Variants in PDE11A observed in about 807,000 individuals in gnomAD.
PDE11A encodes dual 3',5'-cyclic-AMP and -GMP phosphodiesterase 11A.
Under a neutral mutation model 100.5 loss-of-function variants are expected in PDE11A, and 100 were observed. That is an observed-to-expected ratio of 1.00 (90% CI 0.85 to 1.18). PDE11A has a LOEUF of 1.18. Among genes scored for constraint, PDE11A ranks in the 50% most tolerant of loss-of-function variants. PDE11A has a pLI of 0.00. For missense variants in PDE11A, 1,141 were observed against 1,152.6 expected (o/e 0.99, Z 0.15); for synonymous variants, 381 against 420.8 (o/e 0.91, Z 1.16).
chr2:177,817,461 C>T (rs1281418381), intron 8 of PDE11A, among the ~76,000 whole-genome samples: 1 of 152,172 alleles, frequency 6.6e-6, no homozygotes, highest in Non-Finnish European at 1.5e-5. Context: ...TCAAGGCTAG[C>T]TTCTCCAGCT....
chr2:178,031,303 T>G (rs2086544487), intron 1 of PDE11A, among the ~76,000 whole-genome samples: 1 of 152,186 alleles, frequency 6.6e-6, no homozygotes, highest in Admixed American at 6.5e-5. Context: ...ATAATCAGTC[T>G]TGTTCTACAT....
chr2:177,941,108 C>A (rs1276070460), intron 2 of PDE11A, among the ~76,000 whole-genome samples: 2 of 152,212 alleles, frequency 1.3e-5, no homozygotes, highest in Non-Finnish European at 2.9e-5. Context: ...TCAATCCCTG[C>A]TGCAAGCTGA....
intron 19 of PDE11A, among the ~76,000 whole-genome samples, chr2:177,660,997 T>C (rs111252494): frequency 0.023 from 3,543 of 152,168 alleles, 63 homozygotes; most frequent in Non-Finnish European, 0.032. Context: ...GTGCCCTGGG[T>C]CAACTCCCAC....
At chr2:178,040,466 T>C (rs186446696) in intron 1 of PDE11A, among the ~76,000 whole-genome samples, 1 of 152,334 alleles carries the variant, frequency 6.6e-6, no homozygotes, top group African/African-American at 2.4e-5. Context: ...CATTTCACAA[T>C]TTTTTAAAGG....
At chr2:178,044,576 G>A (rs978645227) in intron 1 of PDE11A, among the ~76,000 whole-genome samples, 7 of 151,774 alleles carry the variant, frequency 4.6e-5, no homozygotes, top group African/African-American at 1.7e-4. Flanking sequence ...GTTCTTGGGA[G>A]GTATAACAAG....
intron 2 of PDE11A, among the ~76,000 whole-genome samples, chr2:177,928,104 CAAAAA>C (rs59085357): frequency 0.17 from 9,457 of 56,142 alleles, 180 homozygotes; most frequent in South Asian, 0.23. Context: ...AACTCCATCT[CAAAAA>C]AAAAAAAAAA....
chr2:177,727,026 A>T (rs577013640), intron 12 of PDE11A, among the ~76,000 whole-genome samples: 2 of 152,208 alleles, frequency 1.3e-5, no homozygotes, highest in South Asian at 2.1e-4. Context: ...TTGTTTCAAT[A>T]TTTGCCACAA....
chr2:177,753,261 A>G (rs1179463471), intron 10 of PDE11A, among the ~76,000 whole-genome samples: 2 of 152,074 alleles, frequency 1.3e-5, no homozygotes, highest in Non-Finnish European at 2.9e-5. Flanking sequence ...TAATTTAATC[A>G]TTTATTTTTT....
At chr2:177,668,747 G>C (rs1326738174) in intron 18 of PDE11A, among the ~76,000 whole-genome samples, 3 of 152,148 alleles carry the variant, frequency 2.0e-5, no homozygotes, top group South Asian at 4.1e-4. Context: ...AGACATTCTT[G>C]ACAATTGATA....
intron 2 of PDE11A, 73 bp from the exon 3 acceptor site, chr2:177,905,260 A>C: frequency 1.2e-6 from 1 of 814,110 alleles, no homozygotes; most frequent in Non-Finnish European, 2.2e-6. Context: ...TAAATTGCAC[A>C]CTTCTTCTAT....
At chr2:177,816,011 G>C (rs776831772) in intron 9 of PDE11A, among the ~76,000 whole-genome samples, 24 of 152,140 alleles carry the variant, frequency 1.6e-4, no homozygotes, top group Non-Finnish European at 3.1e-4. Context: ...AGGAGTTCAA[G>C]ACCAGCCTGG....
At chr2:178,054,414 A>T (rs1433006902) in intron 1 of PDE11A, among the ~76,000 whole-genome samples, 1 of 152,192 alleles carries the variant, frequency 6.6e-6, no homozygotes, top group Non-Finnish European at 1.5e-5. Flanking sequence ...AACCTAGGCA[A>T]TACCATTCAG....
intron 7 of PDE11A, among the ~76,000 whole-genome samples, chr2:177,819,868 TTC>T (rs34374310): frequency 0.027 from 3,706 of 139,054 alleles, 95 homozygotes; most frequent in Admixed American, 0.051. Context: ...CTTTCTCTCT[TTC>T]TCTCTCTCTC....
chr2:177,863,574 T>A (rs944803747), intron 5 of PDE11A, among the ~76,000 whole-genome samples: 2 of 151,960 alleles, frequency 1.3e-5, no homozygotes, highest in Non-Finnish European at 2.9e-5. Context: ...AACAGGTACA[T>A]CAAAAGGTGC....
rs374496668 is a variant in PDE11A at position 177,845,524 on chromosome 2, G to A, written c.1368-5141C>T. 8.3e-3 allele frequency among the ~76,000 whole-genome samples: 1,250 copies of A among 150,570 alleles called. 5 individuals are homozygous for A. Among genetic ancestry groups the A allele is most frequent in the Non-Finnish European group, 0.01 (704 of 67,620 alleles). ...TTCCTAGATGGGATGGCGGCCGGGC[G>A]GAGACGCTCCTCACTTTCCAGACTG... is the stretch of plus-strand genomic sequence containing the variant. On this transcript the variant is annotated intron_variant, in intron 5 of 19. Transcript: ENST00000286063.
intron 2 of PDE11A, among the ~76,000 whole-genome samples, chr2:177,923,857 G>A (rs1294619211): frequency 6.6e-6 from 1 of 152,036 alleles, no homozygotes; most frequent in Non-Finnish European, 1.5e-5. Flanking sequence ...AAGAATGTTA[G>A]GCTGATGTTT....
intron 2 of PDE11A, among the ~76,000 whole-genome samples, chr2:177,916,024 A>C (rs13396207): frequency 0.086 from 13,049 of 152,186 alleles, 520 homozygotes; most frequent in South Asian, 0.099. Context: ...TACACCTATA[A>C]TACATTCTTA....
At chr2:178,037,468 C>A (rs1478612686) in intron 1 of PDE11A, among the ~76,000 whole-genome samples, 1 of 152,130 alleles carries the variant, frequency 6.6e-6, no homozygotes, top group Non-Finnish European at 1.5e-5. Flanking sequence ...TGTGGTGATT[C>A]CTCAAGGATC....
At chr2:177,673,163 T>A (rs889081206) in intron 17 of PDE11A, among the ~76,000 whole-genome samples, 1 of 152,182 alleles carries the variant, frequency 6.6e-6, no homozygotes, top group African/African-American at 2.4e-5. Context: ...TGGAAAGGAC[T>A]TGAATCAAAA....
Sources: allele counts gnomAD v4.1 joint callset (sites outside exome capture counted in the v4.1 genomes callset), GRCh38; gene constraint gnomAD v4.1.1; transcripts MANE v1.5; gene names NCBI Gene and HGNC (gene_info 2026-07-23, HGNC 2026-07-21).